Variants in DMAC2 observed in about 807,000 individuals in gnomAD.
The protein encoded by DMAC2 is distal membrane arm assembly component 2.
In DMAC2, 32 loss-of-function variants were observed where a neutral mutation model predicts 29.6. The ratio of observed to expected loss-of-function variants is 1.08; its 90% CI spans 0.81 to 1.45. The LOEUF is 1.45. Ranked by LOEUF, DMAC2 falls within the 40% of genes most tolerant of loss-of-function variation. The probability of loss-of-function intolerance (pLI) is 0.00; values close to 1 mark genes in which losing one functional copy is unlikely to be tolerated. For missense variants in DMAC2, 319 were observed against 340.0 expected, an observed-to-expected ratio of 0.94 and a Z score of 0.49; for synonymous variants, 133 against 137.4, an observed-to-expected ratio of 0.97 and a Z score of 0.23.
chr19:41,432,321 A>T lies in DMAC2; in HGVS notation c.684T>A (p.Asn228Lys), dbSNP rs782212578. 1.2e-6 allele frequency: 2 copies of T among 1,614,160 alleles called. No individual in the cohort carries two copies. Among genetic ancestry groups the T allele is most frequent in the Non-Finnish European group, 1.7e-6 (2 of 1,180,026 alleles). Residue 228 changes from asparagine to lysine, a missense_variant, in exon 6 of 6, where the codon AAT becomes AAA. Coordinates refer to ENST00000221943, the MANE Select transcript of DMAC2 (RefSeq NM_018035.3). ...CCCAGTCGACTCCCACAACCTCGCA[A>T]TTGGGCAGCATCTCCTCCACCAATA... ...TQILVEEMLP[N>K]CEVVGVDWAE...
Position 41,435,262 on chromosome 19 carries a change from C to T in DMAC2, c.296+1130G>A, listed in dbSNP as rs372241153. Among the ~76,000 whole-genome samples the T allele has an allele frequency of 5.9e-5, 9 of 151,922 alleles. No homozygotes were observed. The South Asian group carries it at 1.7e-3, about 28-fold the overall frequency. On this transcript the variant is annotated intron_variant, in intron 3 of 5. Coordinates refer to ENST00000221943, the MANE Select transcript of DMAC2 (RefSeq NM_018035.3). ...CAAAGTGCAAAGGCATGAGCTACCA[C>T]GCCCAGCCATTATTATTATTATTTT...
At chr19:41,439,640 T>C in intron 1 of DMAC2, 1 of 1,414,604 alleles carries the variant, frequency 7.1e-7, no homozygotes, top group Non-Finnish European at 9.6e-7. Context: ...CTCATCCCCA[T>C]TGGATACTCT....
chr19:41,432,587 G>GTGTA, intron 5 of DMAC2, 179 bp from the exon 6 acceptor site: 4 of 602,620 alleles, frequency 6.6e-6, no homozygotes, highest in Non-Finnish European at 1.2e-5. Flanking sequence ...GTGTGTGTGT[G>GTGTA]TATAGGGAGG....
At position 41,431,822 on chromosome 19, in the gene DMAC2, C is replaced by T. The variant is rs1555768865; in HGVS notation, c.*409G>A. 2.5e-5 allele frequency: 6 copies of T among 243,682 alleles called. No homozygotes were observed. The highest frequency in any genetic ancestry group is 2.3e-5 in the African/African-American group (1 of 44,208). 15.1% of individuals were successfully genotyped at this position (243,682 alleles called of 1,614,324 possible). On this transcript the variant is annotated 3_prime_UTR_variant, in exon 6 of 6. Coordinates refer to ENST00000221943, the MANE Select transcript of DMAC2 (RefSeq NM_018035.3). ...GCTGCATGTCCTGCAGTGGGCACAGCGGCCCTGCACGGGGGAGAACCATCC... is the reference window on the plus strand; with the variant it reads ...GCTGCATGTCCTGCAGTGGGCACAGTGGCCCTGCACGGGGGAGAACCATCC...
In DMAC2 at chr19:41,431,417, A is replaced by T; in HGVS notation, c.*814T>A. Reference sequence around the variant, plus strand: ...GGTAAAATGCTTCTGAATTGACTGGAAATCCATTTGGGGTGCTGGGGAACG... The same window carrying T: ...GGTAAAATGCTTCTGAATTGACTGGTAATCCATTTGGGGTGCTGGGGAACG... On this transcript the variant is annotated 3_prime_UTR_variant, in exon 6 of 6. Coordinates refer to ENST00000221943, the MANE Select transcript of DMAC2 (RefSeq NM_018035.3). 1 of 457,298 alleles carries T rather than the reference A, an allele frequency of 2.2e-6. No individual in the cohort carries two copies. The highest frequency in any genetic ancestry group is 2.0e-5 in the African/African-American group (1 of 50,326). The allele number at this position is 457,298 out of a possible 1,614,324, so 28.3% of individuals were successfully genotyped here. A position where few individuals can be genotyped will look rare whatever the true frequency, so the allele number is the denominator to read the frequency against.
rs368134749 is a variant in DMAC2 at position 41,433,536 on chromosome 19, C to A, written c.433+1G>T. The A allele has an allele frequency of 4.3e-6, 7 of 1,614,214 alleles. No individual in the cohort carries two copies. In the East Asian group the frequency reaches 8.9e-5, roughly 21 times the overall value. ...TCCCATCTCCACCCCACCGCACTCA[C>A]GGAGGTTATCCAGGCCCTCGTAGTT... is the stretch of plus-strand genomic sequence containing the variant. On this transcript the variant is annotated splice_donor_variant, in intron 4 of 5. Coordinates refer to ENST00000221943, the MANE Select transcript of DMAC2 (RefSeq NM_018035.3). LOFTEE classifies it high-confidence loss of function.
Position 41,432,095 on chromosome 19 carries a change from C to A in DMAC2, c.*136G>T. 1 of 984,798 alleles carries A rather than the reference C, an allele frequency of 1.0e-6. No homozygotes were observed. Among genetic ancestry groups the A allele is most frequent in the East Asian group, 2.5e-5 (1 of 40,326 alleles). The allele number at this position is 984,798 out of a possible 1,614,324, so 61.0% of individuals were successfully genotyped here. On this transcript the variant is annotated 3_prime_UTR_variant, in exon 6 of 6. Coordinates refer to ENST00000221943, the MANE Select transcript of DMAC2 (RefSeq NM_018035.3). ...GGAATAAATACTGGGAACTCACGCT[C>A]TCTCCTGTGATTGGCCAGCACCACT...
intron 2 of DMAC2, among the ~76,000 whole-genome samples, chr19:41,437,251 T>G (rs782287181): frequency 6.6e-6 from 1 of 150,686 alleles, no homozygotes; most frequent in Non-Finnish European, 1.5e-5. Flanking sequence ...AATAGAAAAA[T>G]TAGGTGTGGT....
intron 2 of DMAC2, among the ~76,000 whole-genome samples, chr19:41,437,289 G>A (rs1190750298): frequency 6.6e-6 from 1 of 152,130 alleles, no homozygotes; most frequent in African/African-American, 2.4e-5. Context: ...TCACCTACTT[G>A]GGAGGCTGAG....
chr19:41,433,763 T>C (rs1218133402), intron 3 of DMAC2, 90 bp from the exon 4 acceptor site: 5 of 1,529,458 alleles, frequency 3.3e-6, no homozygotes, highest in Non-Finnish European at 4.5e-6. Flanking sequence ...CTATATAATA[T>C]GTATAGGTCA....
Position 41,439,529 on chromosome 19 carries a change from A to G in DMAC2, c.18+353T>C, listed in dbSNP as rs1445924158. ...CCACATCCTCGAACAATCCCTTCCA[A>G]GCTCTCTTATCCTACAGGCCCCACC... On this transcript the variant is annotated intron_variant, in intron 1 of 5. Transcript: ENST00000221943. The G allele has an allele frequency of 1.0e-5, 16 of 1,536,676 alleles. No individual in the cohort carries two copies. The East Asian group carries it at 3.9e-4, about 38-fold the overall frequency.
Position 41,432,654 on chromosome 19 carries a change from G to A in DMAC2, c.597-246C>T, listed in dbSNP as rs555576251. 4.9e-5 allele frequency: 11 copies of A among 225,600 alleles called. No homozygotes were observed. In the East Asian group the frequency reaches 6.3e-4, roughly 13 times the overall value. 14.0% of individuals were successfully genotyped at this position (225,600 alleles called of 1,614,324 possible). A position where few individuals can be genotyped will look rare whatever the true frequency, so the allele number is the denominator to read the frequency against. On this transcript the variant is annotated intron_variant, in intron 5 of 5. Transcript: ENST00000221943. ...TGTGTGTAGGGAGGTACAGGACAGC[G>A]TGTGTGTGTGTGTGTGTGTGTGTAT...
In DMAC2 at chr19:41,431,621, C is replaced by T. The variant is rs966482610; in HGVS notation, c.*610G>A. 17 of 284,712 alleles carry T rather than the reference C, an allele frequency of 6.0e-5. No individual in the cohort carries two copies. The highest frequency in any genetic ancestry group is 9.0e-5 in the Non-Finnish European group (13 of 144,358). The allele number at this position is 284,712 out of a possible 1,614,324, so 17.6% of individuals were successfully genotyped here. On this transcript the variant is annotated 3_prime_UTR_variant, in exon 6 of 6. Transcript: ENST00000221943. ...CAACCAACAAGAACCACGAAGGAGG[C>T]GCCTTTCCTCCTATAATGCCTGTTT...
rs2039559412 is a variant in DMAC2, at chr19:41,432,381, G to A, written c.624C>T (p.Asp208=). ...GGCCAGGGTTGGACACGGCAGGGAG[G>A]TCCGAGATGTCCAGCCTGCGGAGGT... The part of the protein sequence containing the change: ...LQNLRRLDIS[D]LPAVSNPGLT... Residue 208 remains aspartate, a synonymous_variant, in exon 6 of 6, where the codon GAC becomes GAT. Coordinates refer to ENST00000221943, the MANE Select transcript of DMAC2 (RefSeq NM_018035.3). 6.2e-7 allele frequency: 1 copy of A among 1,614,000 alleles called. No individual in the cohort carries two copies. Among genetic ancestry groups the A allele is most frequent in the Non-Finnish European group, 8.5e-7 (1 of 1,180,012 alleles).
chr19:41,432,301 T>C lies in DMAC2; in HGVS notation c.704A>G (p.Asp235Gly). ...CCCTGACTTCAGGCCCTCAGCCCAG[T>C]CGACTCCCACAACCTCGCAATTGGG... ...MLPNCEVVGV[D>G]WAEGLKSGPE... is the part of the protein sequence containing the mutation. The change falls in exon 6 of 6, where the codon GAC becomes GGC. Residue 235 changes from aspartate to glycine, a missense_variant. Asp to Gly is a moderately conservative substitution (Grantham distance 94, BLOSUM62 -1). Coordinates refer to ENST00000221943, the MANE Select transcript of DMAC2 (RefSeq NM_018035.3). 2 of 1,614,164 alleles carry C rather than the reference T, an allele frequency of 1.2e-6. No individual in the cohort carries two copies. The highest frequency in any genetic ancestry group is 8.5e-7 in the Non-Finnish European group (1 of 1,180,036).
chr19:41,435,490 G>C lies in DMAC2; in HGVS notation c.296+902C>G, dbSNP rs139353344. Among the ~76,000 whole-genome samples the C allele has an allele frequency of 2.6e-5, 4 of 152,144 alleles. No homozygotes were observed. The East Asian group carries it at 7.7e-4, about 29-fold the overall frequency. ...TCACCACGTTGGCTAGGCTGGTCTCGAACTCCTGACCTCAGATGATCCACC... is the reference window on the plus strand; with the variant it reads ...TCACCACGTTGGCTAGGCTGGTCTCCAACTCCTGACCTCAGATGATCCACC... On this transcript the variant is annotated intron_variant, in intron 3 of 5. Transcript: ENST00000221943.
chr19:41,434,418 A>T (rs1238751889), intron 3 of DMAC2, among the ~76,000 whole-genome samples: 2 of 150,650 alleles, frequency 1.3e-5, no homozygotes, highest in Non-Finnish European at 3.0e-5. Context: ...AAAAAAAAAA[A>T]GGAATGTTTT....
chr19:41,433,723 C>T (rs199899695), intron 3 of DMAC2, 50 bp from the exon 4 acceptor site: 161 of 1,611,720 alleles, frequency 1.0e-4, no homozygotes, highest in Non-Finnish European at 1.3e-4. Context: ...CTGCCCCAGG[C>T]CTCCAGCCTC....
At chr19:41,433,468 G>C (rs1555770147) in intron 4 of DMAC2, 34 bp from the exon 5 acceptor site, 6 of 1,612,546 alleles carry the variant, frequency 3.7e-6, no homozygotes, top group Middle Eastern at 1.7e-4. Context: ...GGCACCAGGA[G>C]CCTTTCTGGA....
Sources: allele counts gnomAD v4.1 joint callset (sites outside exome capture counted in the v4.1 genomes callset), GRCh38; gene constraint gnomAD v4.1.1; transcripts MANE v1.5; gene names NCBI Gene and HGNC (gene_info 2026-07-23, HGNC 2026-07-21).